ATG3: variants seen among roughly 807,000 people sequenced by gnomAD.
ATG3 encodes autophagy related 3.
Under a neutral mutation model 50.7 loss-of-function variants are expected in ATG3, and 25 were observed. The ratio of observed to expected loss-of-function variants is 0.49; its 90% CI spans 0.36 to 0.69. ATG3 has a LOEUF of 0.69. Among genes scored for constraint, ATG3 ranks in the 30% least tolerant of loss-of-function variants. The pLI, the probability that ATG3 is intolerant of heterozygous loss-of-function variation, is 0.00. For missense variants in ATG3, 281 were observed against 376.0 expected (o/e 0.75, Z 2.09); for synonymous variants, 119 against 125.5 (o/e 0.95, Z 0.34).
At chr3:112,554,246 T>C (rs1933604381) in intron 2 of ATG3, among the ~76,000 whole-genome samples, 4 of 152,220 alleles carry the variant, frequency 2.6e-5, no homozygotes, top group African/African-American at 9.6e-5. Flanking sequence ...CCCTGTGACC[T>C]GCACGTATAC....
rs758683145 is a variant in ATG3 at position 112,558,404 on chromosome 3, T to C, written c.86A>G (p.Lys29Arg). The C allele has an allele frequency of 5.0e-6, 8 of 1,602,608 alleles. No individual in the cohort carries two copies. Among genetic ancestry groups the C allele is most frequent in the Non-Finnish European group, 6.8e-6 (8 of 1,170,022 alleles). ...TTCTGGGGTAATTACACCTGTTTCC[T>C]TAAACTTTGATTCCTAAAAAAAGCA... ...LTPVLKESKF[K>R]ETGVITPEEF... Residue 29 changes from lysine (K) to arginine (R), a missense_variant, in exon 2 of 12, where the codon AAG becomes AGG. Lys to Arg is a conservative substitution (Grantham distance 26, BLOSUM62 2). This residue lies in a region of ATG3 where 17 missense variants were observed against 48.2 expected (regional missense o/e 0.35). Coordinates refer to ENST00000283290, the MANE Select transcript of ATG3 (RefSeq NM_022488.5).
chr3:112,550,549 TTA>T (rs1396671731), intron 3 of ATG3, among the ~76,000 whole-genome samples: 17 of 152,218 alleles, frequency 1.1e-4, no homozygotes, highest in Non-Finnish European at 7.3e-5. Context: ...TAAGCAACTA[TTA>T]TGTTTGCCTC....
rs894012775 is a variant in ATG3, at chr3:112,561,921, T to A, written c.-393A>T. On this transcript the variant is annotated 5_prime_UTR_variant, in exon 1 of 12. Transcript: ENST00000283290. ...TTCCGGCTTCCCTTCCTTCTCACTC[T>A]CTTGCCGTAGCTGCGCCGCCACCGG... 2.6e-5 allele frequency: 6 copies of A among 228,096 alleles called. No individual in the cohort carries two copies. Among genetic ancestry groups the A allele is most frequent in the African/African-American group, 4.7e-5 (2 of 42,158 alleles). 14.1% of individuals were successfully genotyped at this position (228,096 alleles called of 1,614,324 possible).
At chr3:112,554,053 G>C (rs553504786) in intron 2 of ATG3, among the ~76,000 whole-genome samples, 1 of 152,324 alleles carries the variant, frequency 6.6e-6, no homozygotes, top group East Asian at 1.9e-4. Context: ...GATTCAGGGA[G>C]ATAAACTTTA....
In ATG3 at chr3:112,536,368, A is replaced by G. The variant is rs1933048796; in HGVS notation, c.794+107T>C. 4 of 1,379,056 alleles carry G rather than the reference A, an allele frequency of 2.9e-6. No homozygotes were observed. In the South Asian group the frequency reaches 4.1e-5, roughly 14 times the overall value. 85.4% of individuals were successfully genotyped at this position (1,379,056 alleles called of 1,614,324 possible). On this transcript the variant is annotated intron_variant, in intron 10 of 11. Coordinates refer to ENST00000283290, the MANE Select transcript of ATG3 (RefSeq NM_022488.5). ...ACAAGAGAGAATTTTACTTTTTAGT[A>G]AGAAAATTTTTTTCTGTTAGGGTTC...
intron 10 of ATG3, 134 bp from the exon 11 acceptor site, chr3:112,534,471 A>G (rs1214653849): frequency 2.0e-6 from 1 of 506,452 alleles, no homozygotes; most frequent in African/African-American, 2.0e-5. Flanking sequence ...ATTATAAACT[A>G]TCTCCCCCAC....
At chr3:112,557,168 C>T (rs1302457636) in intron 2 of ATG3, among the ~76,000 whole-genome samples, 4 of 151,770 alleles carry the variant, frequency 2.6e-5, no homozygotes, top group Non-Finnish European at 5.9e-5. Context: ...GACGGAGTCT[C>T]GTTCTGTCGC....
intron 3 of ATG3, among the ~76,000 whole-genome samples, 183 bp downstream of exon 3, chr3:112,553,097 A>T (rs1028051627): frequency 3.3e-5 from 5 of 152,236 alleles, no homozygotes; most frequent in African/African-American, 1.2e-4. Flanking sequence ...GCCAAATAAC[A>T]TAGGTATAAC....
intron 11 of ATG3, 159 bp downstream of exon 11, chr3:112,534,110 A>G (rs1193788781): frequency 2.9e-6 from 4 of 1,400,274 alleles, no homozygotes; most frequent in Non-Finnish European, 3.7e-6. Flanking sequence ...CTATCACAAT[A>G]TAACATTTTC....
At chr3:112,547,088 G>C (rs13094649) in intron 5 of ATG3, among the ~76,000 whole-genome samples, 10,223 of 152,210 alleles carry the variant, frequency 0.067, 430 homozygotes, top group Admixed American at 0.12. Context: ...TCTGTCTACT[G>C]CAGTGAGTCT....
chr3:112,536,756 C>A (rs931815404), intron 9 of ATG3, 154 bp from the exon 10 acceptor site: 20 of 669,702 alleles, frequency 3.0e-5, no homozygotes, highest in Admixed American at 1.9e-4. Context: ...ACCGTCTCTA[C>A]TAAGAATATA....
Position 112,548,534 on chromosome 3 carries a change from T to C in ATG3, c.342A>G (p.Thr114=), listed in dbSNP as rs769027182. The change falls in exon 5 of 12, where the codon ACA becomes ACG. Residue 114 remains threonine (T), a splice_region_variant and synonymous_variant. Transcript: ENST00000283290. ...DGGWVDTYHN[T]GITGITEAVK... ...TATGTCATTTTATTCTCCTCTTACC[T>C]GTGTTGTGATATGTATCTACCCATC... 4.4e-6 allele frequency: 7 copies of C among 1,600,374 alleles called. No homozygotes were observed. The Admixed American group carries it at 1.2e-4, about 27-fold the overall frequency.
At chr3:112,552,564 A>G (rs956046559) in intron 3 of ATG3, among the ~76,000 whole-genome samples, 2 of 151,748 alleles carry the variant, frequency 1.3e-5, no homozygotes, top group African/African-American at 4.8e-5. Flanking sequence ...TAAAGAACAT[A>G]AAACTGCAAA....
chr3:112,532,984 T>G, intron 11 of ATG3: 1 of 1,201,140 alleles, frequency 8.3e-7, no homozygotes, highest in Non-Finnish European at 1.0e-6. Context: ...ACTCATTCGA[T>G]TATTGAATTT....
At chr3:112,532,965 T>C in intron 11 of ATG3, 185 bp from the exon 12 acceptor site, 1 of 1,249,654 alleles carries the variant, frequency 8.0e-7, no homozygotes, top group Non-Finnish European at 1.0e-6. Context: ...TCTTTAAGAC[T>C]ACCTGACCAC....
At chr3:112,551,834 C>T (rs963230906) in intron 3 of ATG3, among the ~76,000 whole-genome samples, 28 of 151,984 alleles carry the variant, frequency 1.8e-4, no homozygotes, top group Admixed American at 3.9e-4. Context: ...AAAAAAACCA[C>T]CTTTATTAAA....
intron 1 of ATG3, among the ~76,000 whole-genome samples, chr3:112,560,090 G>A (rs985639559): frequency 6.6e-6 from 1 of 152,130 alleles, no homozygotes; most frequent in African/African-American, 2.4e-5. Flanking sequence ...TGGTGAGCAA[G>A]TATGATGGAC....
At position 112,561,661 on chromosome 3, in the gene ATG3, G is replaced by C. The variant is rs1439560930; in HGVS notation, c.-133C>G. ...CCGGCTGGCAGCACCCGAGGGGACG[G>C]GACGCGACGCGACGGGACGGGCGGG... On this transcript the variant is annotated 5_prime_UTR_variant, in exon 1 of 12. Coordinates refer to ENST00000283290, the MANE Select transcript of ATG3 (RefSeq NM_022488.5). 5.6e-6 allele frequency: 5 copies of C among 893,180 alleles called. No homozygotes were observed. The East Asian group carries it at 8.6e-5, about 15-fold the overall frequency. 55.3% of individuals were successfully genotyped at this position (893,180 alleles called of 1,614,324 possible).
chr3:112,542,403 G>GAAT (rs1276746344), intron 6 of ATG3, among the ~76,000 whole-genome samples: 1 of 152,016 alleles, frequency 6.6e-6, no homozygotes, highest in Admixed American at 6.5e-5. Context: ...AACTATATTA[G>GAAT]CTCTAAAGTG....
Sources: allele counts gnomAD v4.1 joint callset (sites outside exome capture counted in the v4.1 genomes callset), GRCh38; gene constraint gnomAD v4.1.1; regional missense constraint gnomAD v4.1.1; transcripts MANE v1.5; gene names NCBI Gene and HGNC (gene_info 2026-07-23, HGNC 2026-07-21).